RNF220: variants seen among roughly 807,000 people sequenced by gnomAD.
RNF220 encodes E3 ubiquitin-protein ligase RNF220.
In RNF220, 7 loss-of-function variants were observed where a neutral mutation model predicts 67.1. The observed-to-expected ratio is 0.10, with a 90% CI of 0.06 to 0.20. RNF220 has a LOEUF of 0.20. RNF220 is among the 10% of genes least tolerant of loss of function. The pLI is 1.00. For missense variants in RNF220, 565 were observed against 740.3 expected (o/e 0.76, Z 2.75); for synonymous variants, 270 against 283.2 (o/e 0.95, Z 0.47).
At chr1:44,546,220 G>T (rs779174336) in intron 2 of RNF220, among the ~76,000 whole-genome samples, 3 of 152,170 alleles carry the variant, frequency 2.0e-5, no homozygotes, top group East Asian at 1.9e-4. Context: ...TGGTTCTTCC[G>T]GCCACCCAGC....
At chr1:44,564,769 A>AT (rs11424266) in intron 2 of RNF220, among the ~76,000 whole-genome samples, 17 of 151,276 alleles carry the variant, frequency 1.1e-4, no homozygotes, top group African/African-American at 3.6e-4. Flanking sequence ...AAAAAAAAAA[A>AT]GAACCACTAT....
chr1:44,435,175 A>G (rs765312416), intron 2 of RNF220, among the ~76,000 whole-genome samples: 2 of 152,202 alleles, frequency 1.3e-5, no homozygotes, highest in African/African-American at 2.4e-5. Flanking sequence ...AAAATCTGCA[A>G]CGGAGTGCGA....
At chr1:44,592,748 C>A (rs1254015874) in intron 2 of RNF220, among the ~76,000 whole-genome samples, 1 of 152,204 alleles carries the variant, frequency 6.6e-6, no homozygotes, top group Non-Finnish European at 1.5e-5. Flanking sequence ...TGGGTTACAG[C>A]AGTTGCCCAA....
rs528782045 is a variant in RNF220, at chr1:44,593,580, G to A, written c.626-20585G>A. On this transcript the variant is annotated intron_variant, in intron 2 of 14. Transcript: ENST00000361799. ...TTTCTACAAAAAATAAAAACTACCT[G>A]GGCATGGTGGCACAGGCCTGTATCC... Among the ~76,000 whole-genome samples the A allele has an allele frequency of 5.3e-5, 8 of 151,958 alleles. No individual in the cohort carries two copies. The South Asian group carries it at 1.7e-3, about 32-fold the overall frequency.
chr1:44,414,964 A>T (rs760737585), intron 2 of RNF220, among the ~76,000 whole-genome samples: 41 of 150,192 alleles, frequency 2.7e-4, no homozygotes, highest in Non-Finnish European at 5.0e-4. Flanking sequence ...AAAGGTGCAA[A>T]GTGAAAAGGA....
In RNF220 at chr1:44,649,776, A is replaced by C. The variant is rs1644740754; in HGVS notation, c.1554+7A>C. ...CAAATGCCTCATCTGCATGGTGAGT[A>C]GAAAAGAACCTAGGGGTGCCCTTGG... On this transcript the variant is annotated splice_region_variant and intron_variant, in intron 13 of 14. Transcript: ENST00000361799. This position sits in a 1 kb window ranked among gnomAD's most constrained non-coding sequence, Gnocchi z 5.9. 6.2e-7 allele frequency: 1 copy of C among 1,613,780 alleles called. No homozygotes were observed. The highest frequency in any genetic ancestry group is 1.3e-5 in the African/African-American group (1 of 74,868).
rs150548396 is a variant in RNF220, at chr1:44,562,307, G to A, written c.626-51858G>A. ...CAGAATGCCTTGTCCAGGGGGACCC[G>A]GAGCAGTGCGGGGAATCCAGGGCCC... On this transcript the variant is annotated intron_variant, in intron 2 of 14. Transcript: ENST00000361799. 4.3e-3 allele frequency among the ~76,000 whole-genome samples: 659 copies of A among 152,266 alleles called. 7 individuals carry two copies. Among genetic ancestry groups the A allele is most frequent in the African/African-American group, 0.015 (623 of 41,540 alleles).
rs190309900 is a variant in RNF220, at chr1:44,619,086, C to T, written c.759-3656C>T. ...TAGATGGGGGCTGGAGGTTGAAGGG[C>T]GGGGGTGGAGGAAGGAGTTGGCCCC... On this transcript the variant is annotated intron_variant, in intron 3 of 14. Transcript: ENST00000361799. Among the ~76,000 whole-genome samples the T allele has an allele frequency of 7.2e-4, 100 of 137,950 alleles. 1 individual carries two copies. The East Asian group carries it at 0.016, about 22-fold the overall frequency. 90.5% of individuals were successfully genotyped at this position (137,950 alleles called of 152,430 possible).
At chr1:44,582,484 C>T (rs1273639290) in intron 2 of RNF220, among the ~76,000 whole-genome samples, 4 of 152,124 alleles carry the variant, frequency 2.6e-5, no homozygotes, top group Admixed American at 2.6e-4. Flanking sequence ...GTGCCGGGCG[C>T]GGTGGCTCAC....
At chr1:44,473,522 C>T (rs1206110241) in intron 2 of RNF220, among the ~76,000 whole-genome samples, 1 of 151,832 alleles carries the variant, frequency 6.6e-6, no homozygotes. Flanking sequence ...TCTCAGAAAT[C>T]AGGAGTAACT....
intron 8 of RNF220, 99 bp downstream of exon 8, chr1:44,636,261 A>T (rs1644325709): frequency 4.7e-6 from 7 of 1,503,022 alleles, no homozygotes; most frequent in Non-Finnish European, 6.4e-6. Context: ...GTGGCTGGTC[A>T]TCCATCCGTT....
intron 2 of RNF220, among the ~76,000 whole-genome samples, chr1:44,567,579 G>C (rs1480287839): frequency 6.6e-6 from 1 of 152,020 alleles, no homozygotes; most frequent in African/African-American, 2.4e-5. Context: ...GACTTGGAGA[G>C]AGCCTACCCT....
intron 2 of RNF220, among the ~76,000 whole-genome samples, chr1:44,584,602 T>C (rs1465823668): frequency 6.6e-6 from 1 of 152,228 alleles, no homozygotes; most frequent in Non-Finnish European, 1.5e-5. Context: ...TTGCAGGTAC[T>C]GGAACGTGGG....
At chr1:44,453,987 A>G (rs1652930830) in intron 2 of RNF220, among the ~76,000 whole-genome samples, 1 of 152,250 alleles carries the variant, frequency 6.6e-6, no homozygotes, top group Non-Finnish European at 1.5e-5. Context: ...ATCACATGGC[A>G]TTCCATTAGC....
chr1:44,614,529 A>G (rs533028608), intron 3 of RNF220, among the ~76,000 whole-genome samples: 1 of 152,322 alleles, frequency 6.6e-6, no homozygotes, highest in African/African-American at 2.4e-5. Flanking sequence ...CGCAGGCCCC[A>G]GCCTCAAAGG....
In RNF220 at chr1:44,412,202, C is replaced by T; in HGVS notation, c.105C>T (p.Ser35=). Residue 35 remains serine, a synonymous_variant, in exon 2 of 15, where the codon AGC becomes AGT. Coordinates refer to ENST00000361799, the MANE Select transcript of RNF220 (RefSeq NM_018150.4). This position sits in a 1 kb window ranked among gnomAD's most constrained non-coding sequence, Gnocchi z 5.3. ...LMVLASTAEA[S]RDASIPCQQP... ...TCCTGGCATCCACGGCTGAGGCCAG[C>T]CGTGATGCTTCCATCCCTTGTCAGC... 2 of 1,614,230 alleles carry T rather than the reference C, an allele frequency of 1.2e-6. No individual in the cohort carries two copies. Among genetic ancestry groups the T allele is most frequent in the South Asian group, 1.1e-5 (1 of 91,086 alleles).
rs941678260 is a variant in RNF220 at position 44,557,683 on chromosome 1, G to A, written c.626-56482G>A. Among the ~76,000 whole-genome samples the A allele has an allele frequency of 4.6e-5, 7 of 152,226 alleles. No homozygotes were observed. In the East Asian group the frequency reaches 1.3e-3, roughly 29 times the overall value. ...TGTTTTCTGCTAGACCCACCATTTGGGAGAATGAATTTCTTAAGTTCACTG... is the reference window on the plus strand; with the variant it reads ...TGTTTTCTGCTAGACCCACCATTTGAGAGAATGAATTTCTTAAGTTCACTG... On this transcript the variant is annotated intron_variant, in intron 2 of 14. Coordinates refer to ENST00000361799, the MANE Select transcript of RNF220 (RefSeq NM_018150.4).
At chr1:44,576,577 C>T (rs1664821135) in intron 2 of RNF220, among the ~76,000 whole-genome samples, 1 of 151,964 alleles carries the variant, frequency 6.6e-6, no homozygotes, top group African/African-American at 2.4e-5. Flanking sequence ...TGAAGCTCCC[C>T]AGCCCAGCCA....
chr1:44,561,975 A>G (rs1046464915), intron 2 of RNF220, among the ~76,000 whole-genome samples: 1 of 152,212 alleles, frequency 6.6e-6, no homozygotes, highest in Non-Finnish European at 1.5e-5. Flanking sequence ...GGAATTTCCC[A>G]GCTACATTTA....
Sources: allele counts gnomAD v4.1 joint callset (sites outside exome capture counted in the v4.1 genomes callset), GRCh38; gene constraint gnomAD v4.1.1; non-coding constraint Gnocchi (gnomAD v3.1); transcripts MANE v1.5; gene names NCBI Gene and HGNC (gene_info 2026-07-23, HGNC 2026-07-21).